Variants in DNAH6 observed in about 807,000 individuals in gnomAD.
The protein encoded by DNAH6 is axonemal beta dynein heavy chain 6.
DNAH6 carries 340 observed loss-of-function variants against 491.4 expected under a neutral mutation model. The observed-to-expected ratio is 0.69, with a 90% CI of 0.63 to 0.76. The LOEUF is 0.76. Among genes scored for constraint, DNAH6 ranks in the 30% least tolerant of loss-of-function variants. The pLI is 0.00. For synonymous variants in DNAH6, 1,603 were observed against 1,686.1 expected, an observed-to-expected ratio of 0.95 and a Z score of 1.21; for missense variants, 4,443 against 4,972.2, an observed-to-expected ratio of 0.89 and a Z score of 3.20.
rs144175845 is a variant in DNAH6 at position 84,664,041 on chromosome 2, C to T, written c.6084+4872C>T. Among the ~76,000 whole-genome samples the T allele has an allele frequency of 8.2e-3, 1,252 of 152,204 alleles. 10 individuals carry two copies. The highest frequency in any genetic ancestry group is 0.013 in the Non-Finnish European group (912 of 68,000). On this transcript the variant is annotated intron_variant, in intron 37 of 76. Coordinates refer to ENST00000389394, the MANE Select transcript of DNAH6 (RefSeq NM_001370.2). ...GAAATAAAAATCCTTTACAGACAAG[C>T]AAATACTGAGAGATTTTGTCACCAC...
chr2:84,645,440 A>C (rs926962958), intron 33 of DNAH6, among the ~76,000 whole-genome samples: 1 of 151,550 alleles, frequency 6.6e-6, no homozygotes, highest in Non-Finnish European at 1.5e-5. Context: ...AATAATAATA[A>C]TAGCCATTCT....
Position 84,697,527 on chromosome 2 carries a change from A to G in DNAH6, c.7525-48A>G, listed in dbSNP as rs540461339. 13 of 1,471,884 alleles carry G rather than the reference A, an allele frequency of 8.8e-6. No homozygotes were observed. The African/African-American group carries it at 1.7e-4, about 19-fold the overall frequency. The allele number at this position is 1,471,884 out of a possible 1,614,324, so 91.2% of individuals were successfully genotyped here. ...AGAATAAATATTTGCTTTATAATAAATGGAAAATGATTGAGCAAGTTGTAA... is the reference window on the plus strand; with the variant it reads ...AGAATAAATATTTGCTTTATAATAAGTGGAAAATGATTGAGCAAGTTGTAA... On this transcript the variant is annotated intron_variant, in intron 46 of 76. Transcript: ENST00000389394.
chr2:84,682,342 G>A lies in DNAH6; in HGVS notation c.6916+814G>A, dbSNP rs143143653. On this transcript the variant is annotated intron_variant, in intron 42 of 76. Transcript: ENST00000389394. ...CTCACTGCCTGCTGTCACTCAGTCT[G>A]TTTTGATAGCTGCTCCTCTTCTTCC... Among the ~76,000 whole-genome samples the A allele has an allele frequency of 2.8e-3, 423 of 152,348 alleles. 2 individuals are homozygous for A. Among genetic ancestry groups the A allele is most frequent in the African/African-American group, 9.5e-3 (394 of 41,578 alleles).
At chr2:84,475,019 T>A in the DNAH6 span, among the ~76,000 whole-genome samples, 1 of 152,202 alleles carries the variant, frequency 6.6e-6, no homozygotes, top group Non-Finnish European at 1.5e-5. Context: ...AGCAATTCTT[T>A]CCCCTGGGGA....
Position 84,619,823 on chromosome 2 carries a change from A to G in DNAH6, c.3711A>G (p.Gly1237=). 1 of 1,551,522 alleles carries G rather than the reference A, an allele frequency of 6.4e-7. No homozygotes were observed. Residue 1237 remains glycine, a synonymous_variant, in exon 24 of 77, where the codon GGA becomes GGG. Transcript: ENST00000389394. ...LEFALMPPAE[G]KIPGIDGEPE... The stretch of plus-strand genomic sequence containing the variant: ...TTGCTCTCATGCCTCCTGCCGAAGG[A>G]AAGATTCCTGGTATTGATGGAGAAC...
chr2:84,711,028 T>C (rs1559960), intron 56 of DNAH6, among the ~76,000 whole-genome samples: 1 of 152,064 alleles, frequency 6.6e-6, no homozygotes, highest in Non-Finnish European at 1.5e-5. Flanking sequence ...CTGTTCTCAA[T>C]AGCTTACAAT....
At chr2:84,559,582 C>A (rs974147683) in intron 11 of DNAH6, among the ~76,000 whole-genome samples, 4 of 152,104 alleles carry the variant, frequency 2.6e-5, no homozygotes, top group African/African-American at 7.2e-5. Flanking sequence ...ATATCCAACT[C>A]TTTTCCTGTT....
the DNAH6 span, among the ~76,000 whole-genome samples, chr2:84,476,358 T>C: frequency 7.9e-5 from 12 of 152,150 alleles, no homozygotes; most frequent in African/African-American, 2.9e-4. Flanking sequence ...TTGCTCCAGG[T>C]TTTAATGTTG....
intron 15 of DNAH6, among the ~76,000 whole-genome samples, chr2:84,585,843 G>A (rs1683482296): frequency 6.6e-6 from 1 of 152,184 alleles, no homozygotes; most frequent in African/African-American, 2.4e-5. Flanking sequence ...GAGGAAGTGT[G>A]TACTGATTGG....
Position 84,694,344 on chromosome 2 carries a change from T to C in DNAH6, c.7388T>C (p.Ile2463Thr), listed in dbSNP as rs1231211240. The stretch of plus-strand genomic sequence containing the variant: ...TCACTCACGAGACTTGCAGCTCATA[T>C]ATGCGGTTACAAATGTTTGCAGATT... ...KQSLTRLAAH[I>T]CGYKCLQIEL... Residue 2463 changes from isoleucine (I) to threonine (T), a missense_variant, in exon 46 of 77, where the codon ATA becomes ACA. By Grantham distance (89) the Ile-to-Thr change is moderately conservative (BLOSUM62 -1). Transcript: ENST00000389394. The C allele has an allele frequency of 6.4e-7, 1 of 1,552,426 alleles. No individual in the cohort carries two copies.
chr2:84,743,067 A>G (rs1270578717), intron 62 of DNAH6, among the ~76,000 whole-genome samples: 2 of 152,224 alleles, frequency 1.3e-5, no homozygotes, highest in African/African-American at 4.8e-5. Context: ...AGGTAGAGAT[A>G]GAACACAAAA....
rs78316943 is a variant in DNAH6, at chr2:84,819,350, G to A, written c.12419G>A (p.Arg4140Gln). ...GTAACCGTCCTGTTACCCTCCAAGC[G>A]GTCCAAAGACTACTGGATTGCCAAG... Reference protein sequence around the residue: ...FVVTVLLPSKRSKDYWIAKGS... With the variant: ...FVVTVLLPSKQSKDYWIAKGS... Residue 4140 changes from arginine (R) to glutamine (Q), a missense_variant, in exon 77 of 77, where the codon CGG (arginine) becomes CAG (glutamine). This residue lies in a region of DNAH6 where 1,463 missense variants were observed against 1,656.6 expected (regional missense o/e 0.88). Transcript: ENST00000389394. 1,590 of 1,551,188 alleles carry A rather than the reference G, an allele frequency of 1.0e-3. 16 individuals are homozygous for A. The African/African-American group carries it at 0.019, about 18-fold the overall frequency.
At chr2:84,812,548 G>C in intron 73 of DNAH6, 22 bp downstream of exon 73, 2 of 1,541,136 alleles carry the variant, frequency 1.3e-6, no homozygotes, top group Non-Finnish European at 1.8e-6. Flanking sequence ...CCTTTCACTG[G>C]GTTTTGATGA....
At chr2:84,636,894 C>CAAA (rs34526526) in intron 30 of DNAH6, among the ~76,000 whole-genome samples, 13 of 144,014 alleles carry the variant, frequency 9.0e-5, no homozygotes, top group African/African-American at 3.0e-4. Flanking sequence ...GACCCTGTCT[C>CAAA]AAAAAAAAAA....
chr2:84,553,162 A>G (rs1679571166), intron 10 of DNAH6, 128 bp downstream of exon 10: 2 of 630,274 alleles, frequency 3.2e-6, no homozygotes, highest in Non-Finnish European at 2.8e-6. Flanking sequence ...AAAGAGAGAA[A>G]GCATTGTTTT....
At chr2:84,791,716 G>A (rs976869416) in intron 68 of DNAH6, among the ~76,000 whole-genome samples, 4 of 150,708 alleles carry the variant, frequency 2.7e-5, no homozygotes, top group African/African-American at 9.7e-5. Flanking sequence ...TATGTTTTAT[G>A]TGAATTTTAT....
At chr2:84,693,000 A>T (rs1401034820) in intron 45 of DNAH6, among the ~76,000 whole-genome samples, 1 of 152,184 alleles carries the variant, frequency 6.6e-6, no homozygotes, top group Non-Finnish European at 1.5e-5. Context: ...TAAATTACTT[A>T]TAGATCTCCT....
chr2:84,794,935 C>T lies in DNAH6; in HGVS notation c.11240-1371C>T, dbSNP rs1678179192. ...AAAGACTTGGAACCAACCCAAATGTCCAACAATGATACACTGGATTAAGAA... is the reference window on the plus strand; with the variant it reads ...AAAGACTTGGAACCAACCCAAATGTTCAACAATGATACACTGGATTAAGAA... On this transcript the variant is annotated intron_variant, in intron 68 of 76. Transcript: ENST00000389394. 3.3e-5 allele frequency among the ~76,000 whole-genome samples: 5 copies of T among 151,572 alleles called. No homozygotes were observed. In the South Asian group the frequency reaches 1.0e-3, roughly 32 times the overall value.
intron 73 of DNAH6, among the ~76,000 whole-genome samples, 180 bp from the exon 74 acceptor site, chr2:84,812,878 C>T (rs1017649580): frequency 6.6e-6 from 1 of 152,148 alleles, no homozygotes; most frequent in African/African-American, 2.4e-5. Context: ...TCTGTGTCCA[C>T]AGTCATCAGG....
Sources: gnomAD v4.1 joint callset for allele counts (sites outside exome capture counted in the v4.1 genomes callset) on GRCh38, gnomAD v4.1.1 for gene constraint, gnomAD v4.1.1 regional missense constraint, MANE v1.5 for transcripts, NCBI Gene and HGNC (gene_info 2026-07-23, HGNC 2026-07-21) for gene names.